The following NFATC2 variants were observed in gnomAD, a reference collection of about 807,000 sequenced individuals.
NFATC2 encodes nuclear factor of activated T cells 2.
A neutral mutation model predicts 87.3 loss-of-function variants in NFATC2; 22 were observed. That is an observed-to-expected ratio of 0.25 (90% confidence interval 0.18 to 0.36). The LOEUF is 0.36. Among genes scored for constraint, NFATC2 ranks in the 10% least tolerant of loss-of-function variants. The pLI, the probability that NFATC2 is intolerant of heterozygous loss-of-function variation, is 1.00. For missense variants in NFATC2, 1,149 were observed against 1,259.1 expected, an observed-to-expected ratio of 0.91 and a Z score of 1.32; for synonymous variants, 565 against 542.2, an observed-to-expected ratio of 1.04 and a Z score of -0.58.
At chr20:51,558,484 T>TGGG (rs71192531) in intron 1 of NFATC2, among the ~76,000 whole-genome samples, 11 of 150,498 alleles carry the variant, frequency 7.3e-5, no homozygotes, top group African/African-American at 2.7e-4. Flanking sequence ...TTGGTTTTTT[T>TGGG]GGGGGGGGGC....
At chr20:51,401,831 T>TA (rs1419596055) in intron 9 of NFATC2, among the ~76,000 whole-genome samples, 1 of 152,230 alleles carries the variant, frequency 6.6e-6, no homozygotes, top group Non-Finnish European at 1.5e-5. Context: ...TCAATGGTGA[T>TA]AATTTTCATA....
intron 9 of NFATC2, among the ~76,000 whole-genome samples, chr20:51,419,961 T>C (rs1009445081): frequency 6.6e-6 from 1 of 151,560 alleles, no homozygotes; most frequent in South Asian, 2.1e-4. Context: ...AAAAAGCCCA[T>C]TAAAATCTTA....
rs1381719528 is a variant in NFATC2, at chr20:51,473,998, A to T, written c.1690T>A (p.Ser564Thr). Reference protein sequence around the residue: ...SGRIVSLQTASNPIECSQRSA... With the variant: ...SGRIVSLQTATNPIECSQRSA... ...AACTTACAGCACTCGATGGGGTTAG[A>T]TGCAGTCTGTAAAGAGACGATTCTG... Residue 564 changes from serine to threonine, a missense_variant, in exon 5 of 11, where the codon TCT becomes ACT. Transcript: ENST00000371564. 1.9e-6 allele frequency: 3 copies of T among 1,614,234 alleles called. No homozygotes were observed. The highest frequency in any genetic ancestry group is 2.5e-6 in the Non-Finnish European group (3 of 1,180,042).
intron 9 of NFATC2, among the ~76,000 whole-genome samples, chr20:51,421,113 C>A (rs1980838489): frequency 6.6e-6 from 1 of 151,582 alleles, no homozygotes; most frequent in African/African-American, 2.4e-5. Flanking sequence ...AACAACAAAC[C>A]CCCAAAACAA....
At chr20:51,550,091 C>T (rs1684835455) in intron 1 of NFATC2, among the ~76,000 whole-genome samples, 1 of 152,104 alleles carries the variant, frequency 6.6e-6, no homozygotes, top group South Asian at 2.1e-4. Context: ...CGTCTATAAT[C>T]CCAGCACTTT....
At chr20:51,409,557 C>T (rs1383798962) in intron 9 of NFATC2, among the ~76,000 whole-genome samples, 3 of 152,210 alleles carry the variant, frequency 2.0e-5, no homozygotes, top group Admixed American at 2.0e-4. Context: ...AGCATCATGG[C>T]TGTGAACCTC....
intron 9 of NFATC2, among the ~76,000 whole-genome samples, chr20:51,403,677 G>C (rs977097687): frequency 8.5e-5 from 13 of 152,148 alleles, no homozygotes; most frequent in Non-Finnish European, 1.0e-4. Context: ...GGCCACCAGA[G>C]GTCAGTCTCA....
At chr20:51,430,511 C>T (rs1192373164) in intron 9 of NFATC2, among the ~76,000 whole-genome samples, 4 of 152,176 alleles carry the variant, frequency 2.6e-5, no homozygotes, top group Admixed American at 6.5e-5. Flanking sequence ...CAGGATCAAA[C>T]GGATCAATTA....
chr20:51,539,204 T>C (rs930267802), intron 1 of NFATC2, among the ~76,000 whole-genome samples: 3 of 152,212 alleles, frequency 2.0e-5, no homozygotes, highest in Non-Finnish European at 4.4e-5. Flanking sequence ...ACCAATTCTA[T>C]CAACAATGTC....
chr20:51,529,358 GTT>G (rs11479866), intron 1 of NFATC2, among the ~76,000 whole-genome samples: 360 of 149,268 alleles, frequency 2.4e-3, no homozygotes, highest in Admixed American at 3.0e-3. Flanking sequence ...CCAAGCGGCA[GTT>G]TTTTTTTTTT....
At chr20:51,475,003 CT>C (rs1331650304) in intron 4 of NFATC2, among the ~76,000 whole-genome samples, 1 of 148,312 alleles carries the variant, frequency 6.7e-6, no homozygotes, top group African/African-American at 2.5e-5. Context: ...GAGTCTCACT[CT>C]GTCACCCAGG....
At chr20:51,394,543 C>G (rs994866061) in intron 10 of NFATC2, among the ~76,000 whole-genome samples, 1 of 150,600 alleles carries the variant, frequency 6.6e-6, no homozygotes, top group Non-Finnish European at 1.5e-5. Context: ...CACCCCCAGC[C>G]CAGTCGCACT....
chr20:51,468,367 T>C (rs1039601173), intron 5 of NFATC2, among the ~76,000 whole-genome samples: 8 of 152,170 alleles, frequency 5.3e-5, no homozygotes, highest in African/African-American at 1.9e-4. Flanking sequence ...GAAAAGAGCA[T>C]GTGAAAAAAT....
intron 1 of NFATC2, among the ~76,000 whole-genome samples, chr20:51,528,489 CACAG>C (rs749260083): frequency 2.2e-4 from 34 of 152,214 alleles, no homozygotes; most frequent in East Asian, 9.6e-4. Context: ...GATGTACACG[CACAG>C]ACAGATGTAC....
rs34489487 is a variant in NFATC2 at position 51,504,999 on chromosome 20, CTTTTTTTTTTT to C, written c.1332+11774_1332+11784del. Among the ~76,000 whole-genome samples, 596 of 72,482 alleles carry C rather than the reference CTTTTTTTTTTT, an allele frequency of 8.2e-3. 2 individuals carry two copies. Among genetic ancestry groups the C allele is most frequent in the African/African-American group, 0.035 (550 of 15,574 alleles). 47.6% of individuals were successfully genotyped at this position (72,482 alleles called of 152,430 possible). On this transcript the variant is annotated intron_variant, in intron 3 of 10. Transcript: ENST00000371564. ...GGTCATGAAGAGTGCTATCTAGTTCCTTTTTTTTTTTTTTTTTTTTTTTTTTTTTTTTGAGA... is the reference window on the plus strand; with the variant it reads ...GGTCATGAAGAGTGCTATCTAGTTCCTTTTTTTTTTTTTTTTTTTTTGAGA...
intron 3 of NFATC2, among the ~76,000 whole-genome samples, chr20:51,487,743 C>T (rs963385052): frequency 6.6e-6 from 1 of 152,114 alleles, no homozygotes; most frequent in African/African-American, 2.4e-5. Flanking sequence ...TCCGCCCCCA[C>T]ACCAAAGACT....
At chr20:51,463,032 G>A (rs916941898) in intron 5 of NFATC2, among the ~76,000 whole-genome samples, 54 of 152,360 alleles carry the variant, frequency 3.5e-4, no homozygotes, top group African/African-American at 1.2e-3. Context: ...TGGCCTTGGC[G>A]CTCCAGCTGC....
At position 51,445,836 on chromosome 20, in the gene NFATC2, G is replaced by A. The variant is rs1984991765; in HGVS notation, c.1849+8712C>T. On this transcript the variant is annotated intron_variant, in intron 6 of 10. Coordinates refer to ENST00000371564, the MANE Select transcript of NFATC2 (RefSeq NM_012340.5). ...AATGAACATGGAAGCACCGGGGGCT[G>A]AGTGAGTGGAGCAAGCCTGAGAGGG... is the stretch of plus-strand genomic sequence containing the variant. 7.9e-5 allele frequency among the ~76,000 whole-genome samples: 12 copies of A among 152,332 alleles called. No individual in the cohort carries two copies. In the South Asian group the frequency reaches 2.5e-3, roughly 32 times the overall value.
chr20:51,458,519 C>T (rs1986805760), intron 5 of NFATC2, among the ~76,000 whole-genome samples: 1 of 151,874 alleles, frequency 6.6e-6, no homozygotes, highest in African/African-American at 2.4e-5. Flanking sequence ...AATCTTCAAG[C>T]CAGGTGCGGT....
Sources: allele counts gnomAD v4.1 joint callset (sites outside exome capture counted in the v4.1 genomes callset), GRCh38; gene constraint gnomAD v4.1.1; transcripts MANE v1.5; gene names NCBI Gene and HGNC (gene_info 2026-07-23, HGNC 2026-07-21).